The following NHSL3 variants were observed in gnomAD, a reference collection of about 807,000 sequenced individuals.
NHSL3 encodes NHS like 3.
chr1:32,750,083 T>A, the NHSL3 span, among the ~76,000 whole-genome samples: 1 of 152,132 alleles, frequency 6.6e-6, no homozygotes, highest in Admixed American at 6.5e-5. Flanking sequence ...GTGAACATGG[T>A]GGGGTTGGAG....
the NHSL3 span, chr1:32,772,326 TCCTCCCACCAATGGGCTC>T: frequency 6.3e-7 from 1 of 1,588,406 alleles, no homozygotes; most frequent in Admixed American, 1.7e-5. Context: ...CCCTTACTGC[TCCTCCCACCAATGGGCTC>T]CCTCACACCC....
the NHSL3 span, chr1:32,771,389 A>G: frequency 2.1e-5 from 20 of 940,444 alleles, no homozygotes; most frequent in Non-Finnish European, 2.7e-5. Context: ...CCCCCATCTT[A>G]TCATCCACCC....
At chr1:32,770,207 C>A in the NHSL3 span, 1 of 1,604,518 alleles carries the variant, frequency 6.2e-7, no homozygotes, top group Admixed American at 1.7e-5. This position sits in a 1 kb window ranked among gnomAD's most constrained non-coding sequence, Gnocchi z 8.3. Flanking sequence ...CCGGCCATGT[C>A]CATCTCCCCC....
the NHSL3 span, chr1:32,767,834 C>A: frequency 4.3e-6 from 7 of 1,613,768 alleles, no homozygotes; most frequent in South Asian, 7.7e-5. Context: ...AGGGCCTGGC[C>A]AGGGGCCAGG....
the NHSL3 span, among the ~76,000 whole-genome samples, chr1:32,762,231 A>G: frequency 5.9e-5 from 9 of 152,284 alleles, no homozygotes; most frequent in Non-Finnish European, 1.3e-4. Flanking sequence ...GGTGGCAGCA[A>G]CTGGGGAAGG....
the NHSL3 span, among the ~76,000 whole-genome samples, chr1:32,764,263 A>T: frequency 6.8e-6 from 1 of 146,304 alleles, no homozygotes; most frequent in South Asian, 2.1e-4. Flanking sequence ...AGTCTTCACT[A>T]CCCAAAATTA....
chr1:32,770,341 G>T, the NHSL3 span: 2 of 1,611,326 alleles, frequency 1.2e-6, no homozygotes, highest in Non-Finnish European at 1.7e-6. This position sits in a 1 kb window ranked among gnomAD's most constrained non-coding sequence, Gnocchi z 8.3. Context: ...GGCCAGCCCA[G>T]CCTCAGTCCG....
chr1:32,756,891 C>T, the NHSL3 span, among the ~76,000 whole-genome samples: 2 of 151,870 alleles, frequency 1.3e-5, no homozygotes, highest in Non-Finnish European at 2.9e-5. Flanking sequence ...ATCACTTGAA[C>T]CCAGGAGGTG....
the NHSL3 span, among the ~76,000 whole-genome samples, chr1:32,748,166 G>A: frequency 1.3e-5 from 2 of 151,676 alleles, no homozygotes; most frequent in African/African-American, 4.8e-5. Context: ...GTAGTCCCAG[G>A]TACTTGGGAG....
At chr1:32,772,234 C>T in the NHSL3 span, 18 of 1,606,230 alleles carry the variant, frequency 1.1e-5, no homozygotes, top group Non-Finnish European at 1.5e-5. Context: ...AAAGAAGTCA[C>T]CTAAGGCTCC....
chr1:32,756,653 T>C, the NHSL3 span, among the ~76,000 whole-genome samples: 3 of 68,356 alleles, frequency 4.4e-5, no homozygotes, highest in African/African-American at 1.9e-4. Context: ...TGAGACCCTG[T>C]CTCCAAAAAA....
At chr1:32,752,535 C>G in the NHSL3 span, among the ~76,000 whole-genome samples, 2 of 152,120 alleles carry the variant, frequency 1.3e-5, no homozygotes, top group Non-Finnish European at 2.9e-5. Flanking sequence ...CACAAGGACA[C>G]CTGTGATGAG....
At chr1:32,747,236 C>T in the NHSL3 span, among the ~76,000 whole-genome samples, 6 of 150,560 alleles carry the variant, frequency 4.0e-5, no homozygotes, top group Non-Finnish European at 7.4e-5. Context: ...CCCAGGCTGG[C>T]GTGCAGTGGC....
the NHSL3 span, chr1:32,768,711 C>T: frequency 1.2e-5 from 19 of 1,614,068 alleles, no homozygotes; most frequent in African/African-American, 4.0e-5. Flanking sequence ...CCACATCCTA[C>T]GTGGCTGAGA....
At chr1:32,771,965 G>A in the NHSL3 span, 2 of 1,606,276 alleles carry the variant, frequency 1.2e-6, no homozygotes, top group Non-Finnish European at 1.7e-6. Flanking sequence ...CCCTCCTCAG[G>A]GCTCCATGCT....
chr1:32,769,439 G>A, the NHSL3 span, among the ~76,000 whole-genome samples: 14 of 152,146 alleles, frequency 9.2e-5, no homozygotes, highest in African/African-American at 2.7e-4. Context: ...CGACTAACAC[G>A]TAATAATATG....
chr1:32,772,916 C>A, the NHSL3 span: 2 of 1,611,978 alleles, frequency 1.2e-6, no homozygotes, highest in East Asian at 4.5e-5. Flanking sequence ...GCACTGCTGA[C>A]CCATCCCAGA....
At chr1:32,749,054 G>T in the NHSL3 span, among the ~76,000 whole-genome samples, 1 of 152,174 alleles carries the variant, frequency 6.6e-6, no homozygotes, top group Non-Finnish European at 1.5e-5. Context: ...CACGATGAGT[G>T]TGTGTATAGG....
the NHSL3 span, chr1:32,767,924 G>A: frequency 1.2e-6 from 2 of 1,613,864 alleles, no homozygotes; most frequent in East Asian, 4.5e-5. Flanking sequence ...GCACACTCAG[G>A]CCCAGGAGGG....
Sources: allele counts gnomAD v4.1 joint callset (sites outside exome capture counted in the v4.1 genomes callset), GRCh38; gene constraint gnomAD v4.1.1; non-coding constraint Gnocchi (gnomAD v3.1); transcripts MANE v1.5; gene names NCBI Gene and HGNC (gene_info 2026-07-23, HGNC 2026-07-21).